JAG1: variants seen among roughly 807,000 people sequenced by gnomAD.
JAG1 encodes protein jagged-1.
In JAG1, 23 loss-of-function variants were observed where a neutral mutation model predicts 148.7. The observed-to-expected ratio is 0.15, with a 90% CI of 0.11 to 0.22. The LOEUF is 0.22. Among genes scored for constraint, JAG1 ranks in the 10% least tolerant of loss-of-function variants. The probability of loss-of-function intolerance (pLI) is 1.00; values close to 1 mark genes in which losing one functional copy is unlikely to be tolerated. For missense variants in JAG1, 1,054 were observed against 1,611.2 expected (o/e 0.65, Z 5.92); for synonymous variants, 572 against 598.3 (o/e 0.96, Z 0.64).
At position 10,672,785 on chromosome 20, in the gene JAG1, G is replaced by A. The variant is rs1212837838; in HGVS notation, c.303C>T (p.Val101=). ...TGAGGTTGAAGGTGTTGCCCCCGAT[G>A]ACAGGCGTGGACCCTGAGCCGAAGC... is the stretch of plus-strand genomic sequence containing the variant. ...PCSFGSGSTP[V]IGGNTFNLKA... is the part of the protein sequence containing the mutation. The change falls in exon 2 of 26, where the codon GTC becomes GTT. Residue 101 remains valine, a synonymous_variant. Transcript: ENST00000254958. The A allele has an allele frequency of 2.9e-5, 47 of 1,612,972 alleles. No individual in the cohort carries two copies. Among genetic ancestry groups the A allele is most frequent in the Non-Finnish European group, 3.6e-5 (43 of 1,180,036 alleles).
intron 24 of JAG1, 33 bp downstream of exon 24, chr20:10,641,080 G>T: frequency 1.2e-6 from 2 of 1,613,850 alleles, no homozygotes; most frequent in South Asian, 1.1e-5. Context: ...CCTTGCCATC[G>T]AATAATGAGG....
At chr20:10,655,847 A>G (rs2067375318) in intron 5 of JAG1, among the ~76,000 whole-genome samples, 2 of 152,238 alleles carry the variant, frequency 1.3e-5, no homozygotes, top group South Asian at 2.1e-4. Flanking sequence ...ATAAAGGAAC[A>G]GACTTCAAAG....
chr20:10,655,429 G>C (rs1334769802), intron 5 of JAG1, among the ~76,000 whole-genome samples: 1 of 152,160 alleles, frequency 6.6e-6, no homozygotes, highest in Non-Finnish European at 1.5e-5. Context: ...AGTGATTGCT[G>C]ATGGTTCCAT....
intron 19 of JAG1, 81 bp downstream of exon 19, chr20:10,644,276 T>TCTCACACACACACACACACACACACACA (rs1555828066): frequency 1.2e-6 from 1 of 817,366 alleles, no homozygotes; most frequent in Non-Finnish European, 2.0e-6. Flanking sequence ...TGGGTGATTC[T>TCTCACACACACACACACACACACACACA]CACACACACA....
chr20:10,669,893 C>G (rs1320229587), intron 2 of JAG1, among the ~76,000 whole-genome samples: 3 of 152,122 alleles, frequency 2.0e-5, no homozygotes, highest in Non-Finnish European at 2.9e-5. Context: ...TCCTGTTAAG[C>G]CCAATTACTT....
intron 19 of JAG1, 26 bp downstream of exon 19, chr20:10,644,331 C>T (rs1344788848): frequency 1.3e-6 from 2 of 1,563,394 alleles, no homozygotes; most frequent in Non-Finnish European, 1.8e-6. Flanking sequence ...TGGATGAGTG[C>T]TGGCTTAAAA....
rs775435255 is a variant in JAG1, at chr20:10,649,474, C to T, written c.1348+48G>A. ...GGAGCCCCAGTACGGACCAGCAAGTCGGCTACCCAAGTTTCATGAAAATCA... is the reference window on the plus strand; with the variant it reads ...GGAGCCCCAGTACGGACCAGCAAGTTGGCTACCCAAGTTTCATGAAAATCA... On this transcript the variant is annotated intron_variant, in intron 10 of 25. Coordinates refer to ENST00000254958, the MANE Select transcript of JAG1 (RefSeq NM_000214.3). The T allele has an allele frequency of 2.1e-5, 25 of 1,201,018 alleles. No homozygotes were observed. In the East Asian group the frequency reaches 4.2e-4, roughly 20 times the overall value. 74.4% of individuals were successfully genotyped at this position (1,201,018 alleles called of 1,614,324 possible).
At chr20:10,667,271 A>T (rs1467683246) in intron 2 of JAG1, among the ~76,000 whole-genome samples, 7 of 152,236 alleles carry the variant, frequency 4.6e-5, no homozygotes, top group Admixed American at 3.9e-4. Flanking sequence ...CGACGTGCCA[A>T]CGCGGCCATT....
chr20:10,650,520 C>T (rs1288207961), intron 8 of JAG1, 160 bp from the exon 9 acceptor site: 19 of 628,630 alleles, frequency 3.0e-5, no homozygotes, highest in Middle Eastern at 4.0e-4. Flanking sequence ...ACGATAAGGC[C>T]GAAGCCTTGA....
chr20:10,656,595 A>T (rs1315796908), intron 4 of JAG1, 137 bp from the exon 5 acceptor site: 13 of 719,380 alleles, frequency 1.8e-5, no homozygotes, highest in Non-Finnish European at 2.5e-6. Context: ...TTGTAAGGAG[A>T]GGAAGATGGG....
At chr20:10,656,519 T>A (rs938707809) in intron 4 of JAG1, 61 bp from the exon 5 acceptor site, 18 of 1,395,304 alleles carry the variant, frequency 1.3e-5, no homozygotes, top group Non-Finnish European at 1.7e-5. Flanking sequence ...GCCCCGGTCA[T>A]GAGAATGGCC....
chr20:10,667,242 C>T (rs959073287), intron 2 of JAG1, among the ~76,000 whole-genome samples: 2 of 152,238 alleles, frequency 1.3e-5, no homozygotes, highest in African/African-American at 2.4e-5. Context: ...GCCGGCGGCA[C>T]GCACATCCTG....
At chr20:10,664,910 CCCT>C (rs1311681940) in intron 2 of JAG1, among the ~76,000 whole-genome samples, 10 of 152,174 alleles carry the variant, frequency 6.6e-5, no homozygotes, top group Admixed American at 5.2e-4. Flanking sequence ...TTAGCAAATT[CCCT>C]CCTTTTCTAA....
chr20:10,671,867 C>G (rs897134866), intron 2 of JAG1, among the ~76,000 whole-genome samples: 1 of 151,938 alleles, frequency 6.6e-6, no homozygotes, highest in Non-Finnish European at 1.5e-5. Context: ...GGGATGAGGG[C>G]CTATCACTTA....
At chr20:10,644,273 T>TCC (rs1568793513) in intron 19 of JAG1, 84 bp downstream of exon 19, 2 of 626,416 alleles carry the variant, frequency 3.2e-6, no homozygotes, top group South Asian at 2.0e-5. Flanking sequence ...CCCTGGGTGA[T>TCC]TCTCACACAC....
intron 2 of JAG1, 42 bp downstream of exon 2, chr20:10,672,659 G>T (rs373405222): frequency 1.3e-6 from 2 of 1,594,394 alleles, no homozygotes. Flanking sequence ...CCAGGCGCGG[G>T]TGTGAGGCTC....
chr20:10,670,753 G>GCC (rs1036932052), intron 2 of JAG1, among the ~76,000 whole-genome samples: 7 of 152,284 alleles, frequency 4.6e-5, no homozygotes, highest in African/African-American at 1.7e-4. Context: ...TTTCAGTGGT[G>GCC]CCCCATCGGT....
intron 10 of JAG1, 127 bp downstream of exon 10, chr20:10,649,395 C>CA (rs889126617): frequency 1.6e-5 from 12 of 727,932 alleles, no homozygotes; most frequent in Non-Finnish European, 3.0e-5. Context: ...CACTCCCTCT[C>CA]AAAAAACCAT....
chr20:10,649,696 G>A (rs752121081), intron 9 of JAG1, 61 bp from the exon 10 acceptor site: 6 of 903,302 alleles, frequency 6.6e-6, no homozygotes, highest in South Asian at 2.8e-5. Flanking sequence ...CCCCACCTTG[G>A]AAAAAAAAAG....
Sources: allele counts gnomAD v4.1 joint callset (sites outside exome capture counted in the v4.1 genomes callset), GRCh38; gene constraint gnomAD v4.1.1; transcripts MANE v1.5; gene names NCBI Gene and HGNC (gene_info 2026-07-23, HGNC 2026-07-21).